NPNT: variants seen among roughly 807,000 people sequenced by gnomAD.
NPNT encodes preosteoblast EGF-like repeat protein with MAM domain.
A neutral mutation model predicts 68.6 loss-of-function variants in NPNT; 45 were observed. The observed-to-expected ratio is 0.66, with a 90% confidence interval of 0.52 to 0.84. The LOEUF is 0.84. Ranked by LOEUF, NPNT falls within the 40% of genes least tolerant of loss-of-function variation. The pLI is 0.00. For missense variants in NPNT, 672 were observed against 714.8 expected, an observed-to-expected ratio of 0.94 and a Z score of 0.68; for synonymous variants, 233 against 253.3, an observed-to-expected ratio of 0.92 and a Z score of 0.76.
chr4:105,942,621 G>C lies in NPNT; in HGVS notation c.1078G>C (p.Ala360Pro). Reference protein sequence around the residue: ...PTTGLTTIAPAASTPPGGITV... With the variant: ...PTTGLTTIAPPASTPPGGITV... ...CACCGGACTGACAACTATAGCACCA[G>C]CTGCCAGTACACCTCCAGGAGGGAT... The change falls in exon 8 of 12, where the codon GCT becomes CCT. Residue 360 changes from alanine to proline, a missense_variant. Transcript: ENST00000379987. 6.2e-7 allele frequency: 1 copy of C among 1,613,948 alleles called. No individual in the cohort carries two copies. Among genetic ancestry groups the C allele is most frequent in the Non-Finnish European group, 8.5e-7 (1 of 1,179,962 alleles).
chr4:105,911,993 TG>T (rs899034898), intron 2 of NPNT: 118 of 546,778 alleles, frequency 2.2e-4, no homozygotes, highest in South Asian at 1.8e-3. Context: ...TGTTATGAAA[TG>T]TTTTTTTATA....
At chr4:105,959,529 T>C (rs1472826352) in intron 10 of NPNT, among the ~76,000 whole-genome samples, 3 of 150,492 alleles carry the variant, frequency 2.0e-5, no homozygotes, top group South Asian at 2.1e-4. Flanking sequence ...TTTTCTTTTT[T>C]TTTTTTTTTT....
chr4:105,967,962 A>G (rs1372253151), intron 11 of NPNT, among the ~76,000 whole-genome samples: 1 of 152,182 alleles, frequency 6.6e-6, no homozygotes, highest in Non-Finnish European at 1.5e-5. Flanking sequence ...ACAATTGGAA[A>G]GCACTATTCT....
chr4:105,957,769 C>T lies in NPNT; in HGVS notation c.1160-702C>T, dbSNP rs183231786. On this transcript the variant is annotated intron_variant, in intron 8 of 11. Transcript: ENST00000379987. ...TGGGGCAGAATCACTCCACAGAGGC[C>T]GTGATATTTATGCTGGGCCTTGAAG... 4.0e-3 allele frequency among the ~76,000 whole-genome samples: 604 copies of T among 152,166 alleles called. 4 individuals are homozygous for T. The highest frequency in any genetic ancestry group is 0.014 in the African/African-American group (569 of 41,502).
chr4:105,919,444 A>G (rs936420290), intron 2 of NPNT, among the ~76,000 whole-genome samples: 10 of 152,120 alleles, frequency 6.6e-5, no homozygotes, highest in Non-Finnish European at 1.3e-4. Context: ...GTAATAAACA[A>G]TCCATATTTA....
At chr4:105,960,166 T>C (rs1420879660) in intron 10 of NPNT, among the ~76,000 whole-genome samples, 1 of 152,210 alleles carries the variant, frequency 6.6e-6, no homozygotes, top group Non-Finnish European at 1.5e-5. Context: ...GGAGTTTGGT[T>C]TCATTTTTTT....
intron 5 of NPNT, among the ~76,000 whole-genome samples, chr4:105,939,401 G>A (rs1295843804): frequency 6.6e-6 from 1 of 152,192 alleles, no homozygotes; most frequent in Non-Finnish European, 1.5e-5. Flanking sequence ...AGTACAGGGT[G>A]TGAGTATGAG....
At position 105,940,130 on chromosome 4, in the gene NPNT, C is replaced by G. The variant is rs1223656468; in HGVS notation, c.561C>G (p.Val187=). The part of the protein sequence containing the change: ...RASCPRFRQC[V]NTFGSYICKC... ...CCTGCCCTAGATTTAGGCAATGTGT[C>G]AACACTTTTGGGAGCTACATCTGCA... Residue 187 remains valine, a synonymous_variant, in exon 6 of 12, where the codon GTC becomes GTG. Transcript: ENST00000379987. 6.2e-7 allele frequency: 1 copy of G among 1,612,186 alleles called. No individual in the cohort carries two copies. The highest frequency in any genetic ancestry group is 8.5e-7 in the Non-Finnish European group (1 of 1,178,458).
chr4:105,909,707 T>C (rs929720026), intron 2 of NPNT, among the ~76,000 whole-genome samples: 6 of 152,204 alleles, frequency 3.9e-5, no homozygotes, highest in Non-Finnish European at 8.8e-5. Context: ...TTTTTGACAA[T>C]GAAAAATATA....
Position 105,970,703 on chromosome 4 carries a change from T to C in NPNT, c.*1713T>C, listed in dbSNP as rs1200649036. The C allele has an allele frequency of 2.1e-6, 1 of 473,366 alleles. No homozygotes were observed. Among genetic ancestry groups the C allele is most frequent in the African/African-American group, 1.9e-5 (1 of 51,342 alleles). The allele number at this position is 473,366 out of a possible 1,614,324, so 29.3% of individuals were successfully genotyped here. The stretch of plus-strand genomic sequence containing the variant: ...TTCTAAAAAATTAGATAAAAATTTG[T>C]CTATTTAAGATGGTTAAAGATGTTC... On this transcript the variant is annotated 3_prime_UTR_variant, in exon 12 of 12. Transcript: ENST00000379987.
chr4:105,955,880 G>C (rs1731189644), intron 8 of NPNT, among the ~76,000 whole-genome samples: 1 of 151,988 alleles, frequency 6.6e-6, no homozygotes, highest in Non-Finnish European at 1.5e-5. Flanking sequence ...TATGTGTGAG[G>C]AAGGAAAATT....
intron 2 of NPNT, chr4:105,912,060 T>G: frequency 1.5e-6 from 1 of 675,856 alleles, no homozygotes; most frequent in Non-Finnish European, 2.6e-6. Flanking sequence ...TTTTTTTTGT[T>G]TCAGAAAAGC....
At chr4:105,940,030 A>C in intron 5 of NPNT, 45 bp from the exon 6 acceptor site, 1 of 1,582,386 alleles carries the variant, frequency 6.3e-7, no homozygotes, top group Non-Finnish European at 8.7e-7. Context: ...CTCTGTCTTA[A>C]CATACCCTTG....
chr4:105,942,136 TACAC>T (rs1553982748), intron 7 of NPNT, among the ~76,000 whole-genome samples, 167 bp from the exon 8 acceptor site: 1 of 147,776 alleles, frequency 6.8e-6, no homozygotes, highest in African/African-American at 2.5e-5. Context: ...TATATATATA[TACAC>T]ACATATATAT....
At chr4:105,956,229 T>C (rs1440477686) in intron 8 of NPNT, among the ~76,000 whole-genome samples, 1 of 152,138 alleles carries the variant, frequency 6.6e-6, no homozygotes, top group Non-Finnish European at 1.5e-5. Context: ...CCTCCAGCCA[T>C]TGTGAACTCC....
At chr4:105,958,332 T>C (rs1474988283) in intron 8 of NPNT, 139 bp from the exon 9 acceptor site, 1 of 466,852 alleles carries the variant, frequency 2.1e-6, no homozygotes, top group Admixed American at 4.0e-5. Context: ...CTTCATGTGA[T>C]ATATAATTAA....
intron 6 of NPNT, 52 bp downstream of exon 6, chr4:105,940,261 G>A: frequency 2.5e-6 from 4 of 1,575,940 alleles, no homozygotes; most frequent in South Asian, 1.1e-5. Context: ...AGCACTGAAA[G>A]GTCTCGTAAT....
intron 10 of NPNT, among the ~76,000 whole-genome samples, chr4:105,962,942 C>T (rs1272223424): frequency 2.0e-5 from 3 of 151,602 alleles, no homozygotes; most frequent in South Asian, 4.2e-4. Flanking sequence ...TATAAAAAAT[C>T]GGCTAGACAC....
At chr4:105,909,924 C>A (rs1278129316) in intron 2 of NPNT, among the ~76,000 whole-genome samples, 1 of 152,160 alleles carries the variant, frequency 6.6e-6, no homozygotes. Context: ...GTCTGAGTCA[C>A]ATGGTAACTG....
Sources: allele counts gnomAD v4.1 joint callset (sites outside exome capture counted in the v4.1 genomes callset), GRCh38; gene constraint gnomAD v4.1.1; transcripts MANE v1.5; gene names NCBI Gene and HGNC (gene_info 2026-07-23, HGNC 2026-07-21).